The following ARPC3 variants were observed in gnomAD, a reference collection of about 807,000 sequenced individuals.
ARPC3 encodes the protein actin related protein 2/3 complex subunit 3, also known as actin-related protein 2/3 complex subunit 3.
In ARPC3, 12 loss-of-function variants were observed where a neutral mutation model predicts 27.6. The ratio of observed to expected loss-of-function variants is 0.43; its 90% CI spans 0.28 to 0.70. The LOEUF is 0.70. Among genes scored for constraint, ARPC3 ranks in the 30% least tolerant of loss-of-function variants. ARPC3 has a pLI of 0.17. For synonymous variants in ARPC3, 53 were observed against 67.2 expected (o/e 0.79, Z 1.03); for missense variants, 153 against 207.7 (o/e 0.74, Z 1.62).
rs1408999124 is a variant in ARPC3 at position 110,440,362 on chromosome 12, C to T, written c.133G>A (p.Ala45Thr). 1.2e-6 allele frequency: 2 copies of T among 1,611,416 alleles called. 1 individual carries two copies. Among genetic ancestry groups the T allele is most frequent in the South Asian group, 2.2e-5 (2 of 91,008 alleles). The change falls in exon 3 of 7, where the codon GCC becomes ACC. Residue 45 changes from alanine (A) to threonine (T), a missense_variant. Transcript: ENST00000228825. ...ETKDTDIVDE[A>T]IYYFKANVFF... is the part of the protein sequence containing the mutation. ...ACATTGGCCTTGAAGTAATAGATGGCTTCATCCACAATATCTGTATCTTTT... is the reference window on the plus strand; with the variant it reads ...ACATTGGCCTTGAAGTAATAGATGGTTTCATCCACAATATCTGTATCTTTT...
Position 110,436,640 on chromosome 12 carries a change from C to T in ARPC3, c.296G>A (p.Gly99Glu). The change falls in exon 5 of 7, where the codon GGA (glycine) becomes GAA (glutamate). Residue 99 changes from glycine to glutamate, a missense_variant. Gly to Glu is a moderately conservative substitution (Grantham distance 98). Transcript: ENST00000228825. ...TCCAGGAATGGGAAAATTAGTGATT[C>T]CCAGCGTATACATTTCTTTCTCACC... ...SQGEKEMYTL[G>E]ITNFPIPGEP... The T allele has an allele frequency of 6.2e-7, 1 of 1,610,876 alleles. No homozygotes were observed.
chr12:110,439,032 G>A (rs920684936), intron 3 of ARPC3, among the ~76,000 whole-genome samples: 1 of 151,692 alleles, frequency 6.6e-6, no homozygotes, highest in African/African-American at 2.4e-5. Context: ...TGTCGCCCAG[G>A]CTGGGTGCAG....
chr12:110,442,851 A>T (rs76899736), intron 2 of ARPC3: 42 of 152,246 alleles, frequency 2.8e-4, no homozygotes, highest in African/African-American at 9.1e-4. Flanking sequence ...AGATCTCATG[A>T]CACAATTTGT....
At chr12:110,441,079 G>A (rs770670284) in intron 2 of ARPC3, among the ~76,000 whole-genome samples, 13 of 150,882 alleles carry the variant, frequency 8.6e-5, no homozygotes, top group Non-Finnish European at 1.3e-4. Context: ...TCCTGACCTC[G>A]TGATCCGCCC....
chr12:110,441,117 A>G (rs2062434873), intron 2 of ARPC3, among the ~76,000 whole-genome samples: 1 of 151,726 alleles, frequency 6.6e-6, no homozygotes, highest in African/African-American at 2.4e-5. Flanking sequence ...TGCTGGGATC[A>G]CAGGCATAAG....
At chr12:110,437,374 CTTTT>C (rs893332697) in intron 3 of ARPC3, 3 of 393,924 alleles carry the variant, frequency 7.6e-6, no homozygotes, top group Non-Finnish European at 1.4e-5. Flanking sequence ...TGTGCAGCTG[CTTTT>C]TTTTTTTGAG....
intron 1 of ARPC3, among the ~76,000 whole-genome samples, chr12:110,448,334 T>G (rs909633014): frequency 6.6e-6 from 1 of 152,168 alleles, no homozygotes; most frequent in Non-Finnish European, 1.5e-5. Flanking sequence ...TTATAAAGTG[T>G]GTACCCCAGA....
intron 6 of ARPC3, among the ~76,000 whole-genome samples, chr12:110,435,483 C>T (rs961060652): frequency 7.2e-5 from 11 of 152,070 alleles, no homozygotes; most frequent in African/African-American, 2.7e-4. Context: ...GCGCCTGCCA[C>T]CACGCCTGGC....
rs1193995841 is a variant in ARPC3 at position 110,436,167 on chromosome 12, C to A, written c.417G>T (p.Glu139Asp). 2 of 1,613,824 alleles carry A rather than the reference C, an allele frequency of 1.2e-6. No individual in the cohort carries two copies. The highest frequency in any genetic ancestry group is 1.7e-5 in the Admixed American group (1 of 59,990). ...CTTTCTCACAAAGTCTCAGTCCAGT[C>A]TCTTGCCTTAGCTGTTGTAAATAGG... ...MRAYLQQLRQ[E>D]TGLRLCEKVF... Residue 139 changes from glutamate (E) to aspartate (D), a missense_variant, in exon 6 of 7, where the codon GAG becomes GAT. By Grantham distance (45) the Glu-to-Asp change is conservative (BLOSUM62 2). Coordinates refer to ENST00000228825, the MANE Select transcript of ARPC3 (RefSeq NM_001278556.2).
At chr12:110,446,664 G>A (rs1452265515) in intron 1 of ARPC3, among the ~76,000 whole-genome samples, 8 of 140,496 alleles carry the variant, frequency 5.7e-5, no homozygotes, top group Admixed American at 2.2e-4. Context: ...GATGGAGTGC[G>A]GTGGCGCGAT....
rs758453939 is a variant in ARPC3 at position 110,435,228 on chromosome 12, A to G, written c.475-11T>C. The G allele has an allele frequency of 6.2e-7, 1 of 1,604,648 alleles. No homozygotes were observed. Among genetic ancestry groups the G allele is most frequent in the South Asian group, 1.1e-5 (1 of 90,898 alleles). Reference sequence around the variant, plus strand: ...AAAGCAAGTCCACCACTAACAAGAGAGAACAACACAGAATGAACAGCGGGG... The same window carrying G: ...AAAGCAAGTCCACCACTAACAAGAGGGAACAACACAGAATGAACAGCGGGG... On this transcript the variant is annotated splice_polypyrimidine_tract_variant and intron_variant, in intron 6 of 6. Transcript: ENST00000228825.
intron 2 of ARPC3, among the ~76,000 whole-genome samples, chr12:110,444,691 A>C (rs2062454935): frequency 6.6e-6 from 1 of 152,164 alleles, no homozygotes; most frequent in Non-Finnish European, 1.5e-5. Context: ...ATATGCATTA[A>C]GTTTACTGAG....
chr12:110,441,176 G>A (rs2062435313), intron 2 of ARPC3, among the ~76,000 whole-genome samples: 2 of 148,798 alleles, frequency 1.3e-5, no homozygotes, highest in Non-Finnish European at 3.0e-5. Flanking sequence ...GTCTTGCTCC[G>A]TCGCCCAGAC....
intron 3 of ARPC3, among the ~76,000 whole-genome samples, chr12:110,438,975 T>G (rs1460128482): frequency 5.3e-5 from 8 of 151,426 alleles, no homozygotes; most frequent in South Asian, 4.2e-4. Flanking sequence ...TGGGAACAAA[T>G]GAAATGTGGC....
Position 110,436,594 on chromosome 12 carries a change from G to A in ARPC3, c.342C>T (p.Asn114=), listed in dbSNP as rs144779808. The A allele has an allele frequency of 9.2e-5, 148 of 1,613,238 alleles. No homozygotes were observed. The highest frequency in any genetic ancestry group is 1.6e-4 in the African/African-American group (12 of 74,856). Residue 114 remains asparagine, a synonymous_variant, in exon 5 of 7, where the codon AAC becomes AAT. Transcript: ENST00000228825. ...TGTTTGCAGGTTTGGCATAAATTGC[G>A]TTAAGTGGAAAACCAGGCTCTCCAG... ...PIPGEPGFPL[N]AIYAKPANKQ...
chr12:110,436,207 A>G lies in ARPC3; in HGVS notation c.380-3T>C, dbSNP rs780112499. ...TTGTAAATAGGCTCTCATCACTTCT[A>G]AAACAGAACAATTTAAAAAAAACTG... On this transcript the variant is annotated splice_region_variant and splice_polypyrimidine_tract_variant and intron_variant, in intron 5 of 6. Coordinates refer to ENST00000228825, the MANE Select transcript of ARPC3 (RefSeq NM_001278556.2). 1 of 1,609,764 alleles carries G rather than the reference A, an allele frequency of 6.2e-7. No homozygotes were observed. The highest frequency in any genetic ancestry group is 1.7e-5 in the Admixed American group (1 of 59,912).
chr12:110,436,683 A>T lies in ARPC3; in HGVS notation c.253T>A (p.Cys85Ser), dbSNP rs774919338. ...ISECLKKLQKCNSKSQGEKEM... is the reference protein window; with the variant it reads ...ISECLKKLQKSNSKSQGEKEM... ...TTCTCACCTTGGCTTTTGGAATTGCACTGGAAAAAAAAATATATATATATA... is the reference window on the plus strand; with the variant it reads ...TTCTCACCTTGGCTTTTGGAATTGCTCTGGAAAAAAAAATATATATATATA... Residue 85 changes from cysteine to serine, a missense_variant and splice_region_variant, in exon 5 of 7, where the codon TGC becomes AGC. Coordinates refer to ENST00000228825, the MANE Select transcript of ARPC3 (RefSeq NM_001278556.2). 2.8e-6 allele frequency: 4 copies of T among 1,408,184 alleles called. No individual in the cohort carries two copies. Among genetic ancestry groups the T allele is most frequent in the South Asian group, 2.3e-5 (2 of 86,554 alleles). 87.2% of individuals were successfully genotyped at this position (1,408,184 alleles called of 1,614,324 possible).
intron 6 of ARPC3, 102 bp downstream of exon 6, chr12:110,436,008 G>A (rs1228043130): frequency 2.1e-6 from 2 of 933,140 alleles, no homozygotes; most frequent in Non-Finnish European, 3.5e-6. Context: ...TTGCAATGCA[G>A]AAATTAAAAA....
intron 2 of ARPC3, 131 bp from the exon 3 acceptor site, chr12:110,440,519 T>A (rs2062429327): frequency 1.5e-6 from 1 of 686,252 alleles, no homozygotes; most frequent in African/African-American, 1.8e-5. Context: ...AAAATGATCC[T>A]ATTGAAATAC....
Sources: allele counts gnomAD v4.1 joint callset (sites outside exome capture counted in the v4.1 genomes callset), GRCh38; gene constraint gnomAD v4.1.1; transcripts MANE v1.5; gene names NCBI Gene and HGNC (gene_info 2026-07-23, HGNC 2026-07-21).